AGBL1: variants seen among roughly 807,000 people sequenced by gnomAD.
AGBL1 encodes the protein AGBL carboxypeptidase 1, also known as cytosolic carboxypeptidase 4.
Under a neutral mutation model 118.9 loss-of-function variants are expected in AGBL1, and 130 were observed. The ratio of observed to expected loss-of-function variants is 1.09; its 90% confidence interval spans 0.95 to 1.26. AGBL1 has a LOEUF of 1.26. Among genes scored for constraint, AGBL1 ranks in the 50% most tolerant of loss-of-function variants. AGBL1 has a pLI of 0.00. For synonymous variants in AGBL1, 555 were observed against 478.9 expected (o/e 1.16, Z -2.08); for missense variants, 1,584 against 1,298.1 (o/e 1.22, Z -3.38).
chr15:86,299,816 C>G (rs575914074), intron 17 of AGBL1: 1 of 151,910 alleles, frequency 6.6e-6, no homozygotes, highest in African/African-American at 2.4e-5. Flanking sequence ...TGGGATATGT[C>G]GGTGGGTGGT....
intron 23 of AGBL1, among the ~76,000 whole-genome samples, chr15:86,927,490 G>A (rs935401040): frequency 5.9e-5 from 9 of 152,070 alleles, no homozygotes; most frequent in Non-Finnish European, 8.8e-5. Flanking sequence ...GAGAGGCTGA[G>A]GCAGGAGGAT....
intron 17 of AGBL1, among the ~76,000 whole-genome samples, chr15:86,372,087 G>A (rs1392238710): frequency 6.6e-6 from 1 of 152,196 alleles, no homozygotes. Flanking sequence ...GTATAATGTG[G>A]CCTGGGGCCA....
chr15:86,791,910 A>AT (rs1395155240), intron 22 of AGBL1, among the ~76,000 whole-genome samples: 1 of 151,718 alleles, frequency 6.6e-6, no homozygotes, highest in Non-Finnish European at 1.5e-5. Context: ...CTAATTTTTT[A>AT]TTGTTAGTAG....
intron 24 of AGBL1, among the ~76,000 whole-genome samples, chr15:87,015,430 T>G (rs1400256273): frequency 6.6e-6 from 1 of 152,096 alleles, no homozygotes. Flanking sequence ...ATTGGCTCCT[T>G]CTCTGGAAAA....
chr15:86,285,793 A>T (rs774407935), intron 16 of AGBL1, among the ~76,000 whole-genome samples: 5 of 152,200 alleles, frequency 3.3e-5, no homozygotes, highest in Admixed American at 3.3e-4. Context: ...TGAGAGAAGA[A>T]AACTTTCAGG....
rs1192710815 is a variant in AGBL1, at chr15:86,807,307, C to T, written c.3159-99780C>T. ...ACCATAACTGTCCATTTACTGTGAC[C>T]TACAAATATTATTTTTGTGGGTTCA... On this transcript the variant is annotated intron_variant, in intron 22 of 22. Coordinates refer to ENST00000614907, the MANE Select transcript of AGBL1 (RefSeq NM_001386094.1). 9.9e-5 allele frequency among the ~76,000 whole-genome samples: 15 copies of T among 152,192 alleles called. No homozygotes were observed. The South Asian group carries it at 1.9e-3, about 19-fold the overall frequency.
chr15:86,430,064 A>G (rs987382081), intron 18 of AGBL1, among the ~76,000 whole-genome samples: 4 of 152,216 alleles, frequency 2.6e-5, no homozygotes, highest in Non-Finnish European at 5.9e-5. Flanking sequence ...GAATCAAAGC[A>G]TCGTATCAAT....
intron 18 of AGBL1, among the ~76,000 whole-genome samples, chr15:86,442,865 C>T (rs1369294541): frequency 6.6e-6 from 1 of 152,186 alleles, no homozygotes; most frequent in Non-Finnish European, 1.5e-5. Flanking sequence ...GTGACTGTCT[C>T]TAGAACTCTG....
At chr15:86,643,127 A>G (rs2085220134) in intron 21 of AGBL1, among the ~76,000 whole-genome samples, 1 of 152,184 alleles carries the variant, frequency 6.6e-6, no homozygotes, top group African/African-American at 2.4e-5. Flanking sequence ...CACATTTTGT[A>G]GTACGTTGTT....
At position 86,909,353 on chromosome 15, in the gene AGBL1, A is replaced by G. The variant is rs970288691; in HGVS notation, c.*2059A>G. Reference sequence around the variant, plus strand: ...AAACACCACCAAGGGAGTTTTGGATATATCAGAATAATCTCAGATGACACT... The same window carrying G: ...AAACACCACCAAGGGAGTTTTGGATGTATCAGAATAATCTCAGATGACACT... On this transcript the variant is annotated 3_prime_UTR_variant, in exon 23 of 23. Coordinates refer to ENST00000614907, the MANE Select transcript of AGBL1 (RefSeq NM_001386094.1). 1 of 152,248 alleles carries G rather than the reference A, an allele frequency of 6.6e-6. No individual in the cohort carries two copies. The highest frequency in any genetic ancestry group is 2.4e-5 in the African/African-American group (1 of 41,468). 9.4% of individuals were successfully genotyped at this position (152,248 alleles called of 1,614,324 possible).
chr15:86,578,514 T>C (rs1335718845), intron 21 of AGBL1, among the ~76,000 whole-genome samples: 1 of 152,088 alleles, frequency 6.6e-6, no homozygotes, highest in Non-Finnish European at 1.5e-5. Context: ...TAGGAAGGCA[T>C]GATTGGTTTT....
At chr15:86,275,015 G>A (rs1597664253) in intron 15 of AGBL1, among the ~76,000 whole-genome samples, 1 of 152,062 alleles carries the variant, frequency 6.6e-6, no homozygotes, top group East Asian at 1.9e-4. Flanking sequence ...ACAGAAATGG[G>A]CAGATTCATT....
At chr15:86,958,255 C>A (rs1438508033) in intron 23 of AGBL1, among the ~76,000 whole-genome samples, 2 of 150,174 alleles carry the variant, frequency 1.3e-5, no homozygotes, top group Non-Finnish European at 3.0e-5. Context: ...TAGAATGGGA[C>A]TCTCCTTTGC....
At chr15:86,545,329 T>C (rs1187835130) in intron 19 of AGBL1, among the ~76,000 whole-genome samples, 2 of 152,218 alleles carry the variant, frequency 1.3e-5, no homozygotes, top group African/African-American at 4.8e-5. Context: ...ATTAGAGTGA[T>C]TGATTAGCTT....
At chr15:86,266,557 A>C in intron 12 of AGBL1, 100 bp downstream of exon 12, 1 of 833,838 alleles carries the variant, frequency 1.2e-6, no homozygotes, top group Non-Finnish European at 1.8e-6. Flanking sequence ...TCCTCCTCCT[A>C]AAACAGCATG....
intron 17 of AGBL1, among the ~76,000 whole-genome samples, chr15:86,381,318 CAATT>C (rs1406583382): frequency 2.0e-5 from 3 of 152,156 alleles, no homozygotes; most frequent in East Asian, 1.9e-4. Context: ...CTAAATTTAA[CAATT>C]AATGAAGTTG....
At chr15:86,833,487 C>G (rs2079133892) in intron 22 of AGBL1, among the ~76,000 whole-genome samples, 2 of 152,136 alleles carry the variant, frequency 1.3e-5, no homozygotes, top group Non-Finnish European at 2.9e-5. Flanking sequence ...TCACTCTTCT[C>G]TTGTTGCTGC....
At chr15:86,891,045 C>T (rs1235655797) in intron 22 of AGBL1, among the ~76,000 whole-genome samples, 24 of 151,930 alleles carry the variant, frequency 1.6e-4, no homozygotes, top group Admixed American at 1.6e-3. Flanking sequence ...AATGTTTTTT[C>T]ATTTGTTTGT....
chr15:86,922,006 A>G (rs541539478), intron 23 of AGBL1, among the ~76,000 whole-genome samples: 14 of 152,166 alleles, frequency 9.2e-5, no homozygotes, highest in South Asian at 6.2e-4. Context: ...TAACAAACCA[A>G]TGGTTACTCT....
Sources: gnomAD v4.1 joint callset for allele counts (sites outside exome capture counted in the v4.1 genomes callset) on GRCh38, gnomAD v4.1.1 for gene constraint, MANE v1.5 for transcripts, NCBI Gene and HGNC (gene_info 2026-07-23, HGNC 2026-07-21) for gene names.